Variants in DCAF4 observed in about 807,000 individuals in gnomAD.
DCAF4 encodes the protein DDB1 and CUL4 associated factor 4, also known as DDB1- and CUL4-associated factor 4.
DCAF4 carries 37 observed loss-of-function variants against 60.9 expected under a neutral mutation model. The observed-to-expected ratio is 0.61, with a 90% CI of 0.47 to 0.80. The LOEUF (loss-of-function observed/expected upper bound fraction) is 0.80, where lower values mean the gene tolerates loss of function less well. Ranked by LOEUF, DCAF4 falls within the 30% of genes least tolerant of loss-of-function variation. The pLI is 0.00. For missense variants in DCAF4, 577 were observed against 650.0 expected (o/e 0.89, Z 1.22); for synonymous variants, 243 against 254.8 (o/e 0.95, Z 0.44).
At chr14:72,929,837 G>A (rs1888293547) in intron 1 of DCAF4, 1 of 1,382,012 alleles carries the variant, frequency 7.2e-7, no homozygotes, top group Non-Finnish European at 1.0e-6. Flanking sequence ...TTGCTCAGAC[G>A]CCCGCGGCGG....
Position 72,958,733 on chromosome 14 carries a change from G to C in DCAF4, c.1416G>C (p.Leu472=), listed in dbSNP as rs773833882. ...DIPSVAFSSR[L]GGSRGAPGLL... The stretch of plus-strand genomic sequence containing the variant: ...CCAGTGTGGCCTTCTCGTCGCGGCT[G>C]GGGGGCTCCCGGGGCGCGCCGGGGC... The change falls in exon 14 of 14, where the codon CTG becomes CTC. Residue 472 remains leucine (L), a synonymous_variant. Coordinates refer to ENST00000358377, the MANE Select transcript of DCAF4 (RefSeq NM_015604.4). 13 of 1,613,006 alleles carry C rather than the reference G, an allele frequency of 8.1e-6. No homozygotes were observed. Among genetic ancestry groups the C allele is most frequent in the Non-Finnish European group, 1.1e-5 (13 of 1,179,478 alleles).
At chr14:72,942,775 G>C in intron 5 of DCAF4, 1 of 543,666 alleles carries the variant, frequency 1.8e-6, no homozygotes, top group Non-Finnish European at 3.3e-6. Context: ...CTCTGCAAAT[G>C]GGCCACCCAC....
chr14:72,951,761 A>C lies in DCAF4; in HGVS notation c.729-37A>C, dbSNP rs781154825. On this transcript the variant is annotated intron_variant, in intron 8 of 13. Transcript: ENST00000358377. ...ATGTCCATGCCTCCTCCCAGAGGGG[A>C]GCCTTGTGCCTAACTGTCCTTAACA... 3.1e-6 allele frequency: 5 copies of C among 1,604,992 alleles called. 1 individual carries two copies. The South Asian group carries it at 3.3e-5, about 11-fold the overall frequency.
chr14:72,949,879 T>C (rs911212826), intron 8 of DCAF4, among the ~76,000 whole-genome samples: 36 of 152,240 alleles, frequency 2.4e-4, no homozygotes, highest in Admixed American at 8.5e-4. Context: ...CTATCGAGTA[T>C]ATGCAGTTGC....
chr14:72,943,103 G>A lies in DCAF4; in HGVS notation c.534+7G>A, dbSNP rs1890265195. 6.2e-7 allele frequency: 1 copy of A among 1,613,400 alleles called. No homozygotes were observed. Among genetic ancestry groups the A allele is most frequent in the African/African-American group, 1.3e-5 (1 of 74,920 alleles). Reference sequence around the variant, plus strand: ...CCGATTTAACCTCATACTGGTGAGTGGGAGGGGGACACCTGCCTAGGGTGT... The same window carrying A: ...CCGATTTAACCTCATACTGGTGAGTAGGAGGGGGACACCTGCCTAGGGTGT... On this transcript the variant is annotated splice_region_variant and intron_variant, in intron 6 of 13. Coordinates refer to ENST00000358377, the MANE Select transcript of DCAF4 (RefSeq NM_015604.4).
chr14:72,939,488 T>C (rs1253591201), intron 2 of DCAF4, among the ~76,000 whole-genome samples: 3 of 152,244 alleles, frequency 2.0e-5, no homozygotes, highest in African/African-American at 7.2e-5. Flanking sequence ...AAAATTCTTA[T>C]TGGCAGAGAT....
chr14:72,927,343 CTTTTTTTTTTTTTT>C (rs547199942), intron 1 of DCAF4, among the ~76,000 whole-genome samples: 2 of 87,352 alleles, frequency 2.3e-5, no homozygotes, highest in Non-Finnish European at 2.2e-5. Flanking sequence ...CGGTGGTGTT[CTTTTTTTTTTTTTT>C]TTTTTTTTTT....
chr14:72,953,702 C>T (rs1319644867), intron 9 of DCAF4, among the ~76,000 whole-genome samples: 1 of 60,000 alleles, frequency 1.7e-5, no homozygotes, highest in Admixed American at 2.4e-4. Flanking sequence ...AGAACAAGAC[C>T]CTGTCTTAAA....
At chr14:72,941,718 T>A (rs1890071674) in intron 4 of DCAF4, 27 bp from the exon 5 acceptor site, 2 of 1,598,220 alleles carry the variant, frequency 1.3e-6, no homozygotes, top group East Asian at 4.5e-5. Context: ...CTTCATTGAA[T>A]TGTTCTCTTT....
chr14:72,927,717 C>T (rs1386410078), intron 1 of DCAF4, among the ~76,000 whole-genome samples: 1 of 152,066 alleles, frequency 6.6e-6, no homozygotes, highest in Non-Finnish European at 1.5e-5. Flanking sequence ...CCCTGTTCCA[C>T]CATTTAACTT....
chr14:72,959,156 A>G lies in DCAF4; in HGVS notation c.*351A>G. On this transcript the variant is annotated 3_prime_UTR_variant, in exon 14 of 14. Coordinates refer to ENST00000358377, the MANE Select transcript of DCAF4 (RefSeq NM_015604.4). ...GAAAAGCTTCTTCCTCCAAGAGCCC[A>G]TTGAAGAAGCCCAGTGATGAGACGG... 2.0e-6 allele frequency: 2 copies of G among 1,006,924 alleles called. No individual in the cohort carries two copies. Among genetic ancestry groups the G allele is most frequent in the African/African-American group, 1.7e-5 (1 of 58,084 alleles). 62.4% of individuals were successfully genotyped at this position (1,006,924 alleles called of 1,614,324 possible).
chr14:72,942,986 T>G lies in DCAF4; in HGVS notation c.432-8T>G, dbSNP rs1421838774. 10 of 1,613,866 alleles carry G rather than the reference T, an allele frequency of 6.2e-6. No homozygotes were observed. The highest frequency in any genetic ancestry group is 8.5e-6 in the Non-Finnish European group (10 of 1,179,834). ...CAGCATCCATGCCCCCACCCTCTGT[T>G]TCTGCAGTTTAGCCCACGAGCTGCG... On this transcript the variant is annotated splice_region_variant and splice_polypyrimidine_tract_variant and intron_variant, in intron 5 of 13. Transcript: ENST00000358377.
rs369999328 is a variant in DCAF4 at position 72,946,562 on chromosome 14, G to A, written c.678+535G>A. On this transcript the variant is annotated intron_variant, in intron 7 of 13. Transcript: ENST00000358377. The stretch of plus-strand genomic sequence containing the variant: ...GGACCGTCCCTCCAGGGGTCCAGGA[G>A]TTGATCTGGAAGGGCCCACACCAGG... Among the ~76,000 whole-genome samples the A allele has an allele frequency of 5.5e-4, 84 of 152,312 alleles. 1 individual carries two copies. The South Asian group carries it at 0.015, about 27-fold the overall frequency.
At chr14:72,958,443 C>A (rs1477234677) in intron 13 of DCAF4, among the ~76,000 whole-genome samples, 169 bp from the exon 14 acceptor site, 1 of 152,232 alleles carries the variant, frequency 6.6e-6, no homozygotes, top group Non-Finnish European at 1.5e-5. Flanking sequence ...TGTTCTAGCA[C>A]AACAGGGCGA....
chr14:72,927,256 T>C (rs894029595), intron 1 of DCAF4, among the ~76,000 whole-genome samples: 4 of 151,620 alleles, frequency 2.6e-5, no homozygotes, highest in Non-Finnish European at 5.9e-5. Flanking sequence ...CAAAGAAAAC[T>C]GAGGGGACGG....
rs915707146 is a variant in DCAF4, at chr14:72,951,921, C to T, written c.808+44C>T. 12 of 1,606,080 alleles carry T rather than the reference C, an allele frequency of 7.5e-6. No homozygotes were observed. In the Admixed American group the frequency reaches 1.0e-4, roughly 13 times the overall value. Reference sequence around the variant, plus strand: ...TTAAAGAAATCTGTCCTCTGTCTCCCGAGAGCTGTGTGGGGGTGGCTTAGA... The same window carrying T: ...TTAAAGAAATCTGTCCTCTGTCTCCTGAGAGCTGTGTGGGGGTGGCTTAGA... On this transcript the variant is annotated intron_variant, in intron 9 of 13. Transcript: ENST00000358377.
chr14:72,934,110 A>G (rs1021231510), intron 1 of DCAF4, among the ~76,000 whole-genome samples: 6 of 147,502 alleles, frequency 4.1e-5, no homozygotes, highest in African/African-American at 1.5e-4. Flanking sequence ...TGGCCATACC[A>G]AACAGCCTGC....
In DCAF4 at chr14:72,951,890, C is replaced by T. The variant is rs2140288157; in HGVS notation, c.808+13C>T. 3.1e-6 allele frequency: 5 copies of T among 1,613,944 alleles called. No homozygotes were observed. Among genetic ancestry groups the T allele is most frequent in the South Asian group, 1.1e-5 (1 of 91,084 alleles). ...AATAGTCACCCAGGTACAGGGTTCT[C>T]CTCCTTTAAAGAAATCTGTCCTCTG... is the stretch of plus-strand genomic sequence containing the variant. On this transcript the variant is annotated intron_variant, in intron 9 of 13. Coordinates refer to ENST00000358377, the MANE Select transcript of DCAF4 (RefSeq NM_015604.4).
rs576374272 is a variant in DCAF4, at chr14:72,941,732, G to A, written c.352-13G>A. ...TCTTCATTGAATTGTTCTCTTTTTTGTAATAAATATAGATTGCCAGGATGG... is the reference window on the plus strand; with the variant it reads ...TCTTCATTGAATTGTTCTCTTTTTTATAATAAATATAGATTGCCAGGATGG... On this transcript the variant is annotated splice_polypyrimidine_tract_variant and intron_variant, in intron 4 of 13. Coordinates refer to ENST00000358377, the MANE Select transcript of DCAF4 (RefSeq NM_015604.4). 1.8e-5 allele frequency: 29 copies of A among 1,607,148 alleles called. No homozygotes were observed. In the South Asian group the frequency reaches 2.3e-4, roughly 13 times the overall value.
Sources: gnomAD v4.1 joint callset for allele counts (sites outside exome capture counted in the v4.1 genomes callset) on GRCh38, gnomAD v4.1.1 for gene constraint, MANE v1.5 for transcripts, NCBI Gene and HGNC (gene_info 2026-07-23, HGNC 2026-07-21) for gene names.